Variants in LHFPL3 observed in about 807,000 individuals in gnomAD.
The protein encoded by LHFPL3 is LHFPL tetraspan subfamily member 3.
A neutral mutation model predicts 19.3 loss-of-function variants in LHFPL3; 5 were observed. The ratio of observed to expected loss-of-function variants is 0.26; its 90% CI spans 0.14 to 0.54. The LOEUF is 0.54. Among genes scored for constraint, LHFPL3 ranks in the 20% least tolerant of loss-of-function variants. LHFPL3 has a pLI of 0.94. For synonymous variants in LHFPL3, 133 were observed against 126.2 expected (o/e 1.05, Z -0.36); for missense variants, 249 against 307.4 (o/e 0.81, Z 1.42).
intron 1 of LHFPL3, among the ~76,000 whole-genome samples, chr7:104,577,957 G>A (rs1351506436): frequency 2.0e-5 from 3 of 152,058 alleles, no homozygotes; most frequent in Non-Finnish European, 4.4e-5. Context: ...GTTTCTCCAC[G>A]GAAGAACAAA....
At chr7:104,842,619 C>T (rs1791236059) in intron 2 of LHFPL3, among the ~76,000 whole-genome samples, 1 of 152,150 alleles carries the variant, frequency 6.6e-6, no homozygotes, top group Non-Finnish European at 1.5e-5. Flanking sequence ...TCTCTTCTGT[C>T]AAAATAATGA....
At chr7:104,527,710 C>G (rs552622408) in intron 1 of LHFPL3, among the ~76,000 whole-genome samples, 5 of 152,268 alleles carry the variant, frequency 3.3e-5, no homozygotes, top group East Asian at 3.9e-4. Flanking sequence ...GAAGCCCAGG[C>G]TACAGACCCA....
At chr7:104,669,389 G>A in intron 1 of LHFPL3, 1 of 1,613,726 alleles carries the variant, frequency 6.2e-7, no homozygotes, top group South Asian at 1.1e-5. Flanking sequence ...CCAGGAGACT[G>A]AGGGAACAGA....
At chr7:104,503,758 T>A (rs539318658) in intron 1 of LHFPL3, among the ~76,000 whole-genome samples, 2 of 152,158 alleles carry the variant, frequency 1.3e-5, no homozygotes, top group African/African-American at 4.8e-5. Context: ...TTGGTAGATA[T>A]GGGGTTTTGC....
intron 1 of LHFPL3, among the ~76,000 whole-genome samples, chr7:104,628,149 CT>C (rs1240426584): frequency 1.3e-5 from 2 of 152,122 alleles, no homozygotes; most frequent in African/African-American, 4.8e-5. Flanking sequence ...GACAGCTGTT[CT>C]CATGTCCACT....
At chr7:104,690,611 C>T (rs574677677) in intron 1 of LHFPL3, among the ~76,000 whole-genome samples, 1 of 152,342 alleles carries the variant, frequency 6.6e-6, no homozygotes, top group East Asian at 1.9e-4. Context: ...GGATCTTCTA[C>T]CTCATTGAAA....
chr7:104,828,812 A>G (rs1790873564), intron 2 of LHFPL3, among the ~76,000 whole-genome samples: 2 of 151,864 alleles, frequency 1.3e-5, no homozygotes, highest in African/African-American at 4.9e-5. Flanking sequence ...AGGCAGGTGG[A>G]TCACTTGAGG....
At chr7:104,635,932 A>G (rs990198245) in intron 1 of LHFPL3, among the ~76,000 whole-genome samples, 2 of 152,136 alleles carry the variant, frequency 1.3e-5, no homozygotes, top group Admixed American at 1.3e-4. Flanking sequence ...TTGTACTGAG[A>G]GGCTGTTTAT....
intron 1 of LHFPL3, among the ~76,000 whole-genome samples, chr7:104,406,618 C>A (rs1791420250): frequency 6.6e-6 from 1 of 152,220 alleles, no homozygotes; most frequent in Non-Finnish European, 1.5e-5. Context: ...TTCCACTGAT[C>A]CAAATCCTTT....
At chr7:104,434,642 T>C (rs1260801790) in intron 1 of LHFPL3, among the ~76,000 whole-genome samples, 1 of 152,162 alleles carries the variant, frequency 6.6e-6, no homozygotes, top group East Asian at 1.9e-4. Context: ...ACTTGTAGAG[T>C]CCTCTACTGC....
At chr7:104,337,098 C>T (rs1789824691) in intron 1 of LHFPL3, among the ~76,000 whole-genome samples, 1 of 151,822 alleles carries the variant, frequency 6.6e-6, no homozygotes, top group African/African-American at 2.4e-5. Flanking sequence ...TAGTTGGTTT[C>T]AGGGCAGATC....
intron 2 of LHFPL3, among the ~76,000 whole-genome samples, chr7:104,873,857 A>G (rs1791882441): frequency 6.6e-6 from 1 of 152,180 alleles, no homozygotes; most frequent in Non-Finnish European, 1.5e-5. Flanking sequence ...TGTTATCTGC[A>G]CCCATTTAAC....
intron 1 of LHFPL3, among the ~76,000 whole-genome samples, chr7:104,334,322 A>C (rs898862965): frequency 4.6e-5 from 7 of 152,196 alleles, no homozygotes; most frequent in Admixed American, 1.3e-4. Context: ...CAAGGCGGGC[A>C]GATCACCTGA....
chr7:104,453,606 C>T (rs1376227071), intron 1 of LHFPL3, among the ~76,000 whole-genome samples: 1 of 152,044 alleles, frequency 6.6e-6, no homozygotes, highest in African/African-American at 2.4e-5. Flanking sequence ...CAGGAAGAAA[C>T]CTGTTGATAT....
intron 2 of LHFPL3, among the ~76,000 whole-genome samples, chr7:104,857,582 C>A (rs1791533016): frequency 6.6e-6 from 1 of 152,144 alleles, no homozygotes; most frequent in Admixed American, 6.6e-5. Context: ...CTAAAATGCT[C>A]CCAGGAAAAT....
intron 1 of LHFPL3, among the ~76,000 whole-genome samples, chr7:104,430,794 A>G (rs1438008441): frequency 6.6e-6 from 1 of 151,578 alleles, no homozygotes; most frequent in Non-Finnish European, 1.5e-5. Context: ...TTTAAGCAAA[A>G]TGTTCTGTCT....
At chr7:104,360,640 T>C (rs1790372776) in intron 1 of LHFPL3, among the ~76,000 whole-genome samples, 1 of 150,880 alleles carries the variant, frequency 6.6e-6, no homozygotes, top group Admixed American at 6.6e-5. Flanking sequence ...ATTTTCAGCT[T>C]TAGGGAGGTT....
chr7:104,391,356 T>A (rs1300853616), intron 1 of LHFPL3, among the ~76,000 whole-genome samples: 1 of 152,222 alleles, frequency 6.6e-6, no homozygotes, highest in Non-Finnish European at 1.5e-5. Flanking sequence ...TGAATTAATT[T>A]TTGTATAAGG....
At chr7:104,533,012 T>C (rs1483556376) in intron 1 of LHFPL3, among the ~76,000 whole-genome samples, 2 of 152,246 alleles carry the variant, frequency 1.3e-5, no homozygotes, top group African/African-American at 4.8e-5. Context: ...AAGGGAACTA[T>C]AGTCGTCATA....
Sources: allele counts gnomAD v4.1 joint callset (sites outside exome capture counted in the v4.1 genomes callset), GRCh38; gene constraint gnomAD v4.1.1; transcripts MANE v1.5; gene names NCBI Gene and HGNC (gene_info 2026-07-23, HGNC 2026-07-21).